The following IGSF21 variants were observed in gnomAD, a reference collection of about 807,000 sequenced individuals.
IGSF21 encodes immunoglobin superfamily member 21, also known as immunoglobulin superfamily member 21.
IGSF21 carries 28 observed loss-of-function variants against 46.8 expected under a neutral mutation model. The ratio of observed to expected loss-of-function variants is 0.60; its 90% CI spans 0.44 to 0.82. IGSF21 has a LOEUF of 0.82. Among genes scored for constraint, IGSF21 ranks in the 40% least tolerant of loss-of-function variants. The pLI is 0.00. For missense variants in IGSF21, 624 were observed against 665.5 expected, an observed-to-expected ratio of 0.94 and a Z score of 0.69; for synonymous variants, 284 against 273.6, an observed-to-expected ratio of 1.04 and a Z score of -0.38.
chr1:18,236,024 T>C (rs2084669828), intron 2 of IGSF21, among the ~76,000 whole-genome samples: 1 of 152,146 alleles, frequency 6.6e-6, no homozygotes, highest in African/African-American at 2.4e-5. Context: ...GACTCCCTGC[T>C]TTGGGGCTTC....
At chr1:18,313,987 T>A (rs936366778) in intron 3 of IGSF21, among the ~76,000 whole-genome samples, 4 of 152,210 alleles carry the variant, frequency 2.6e-5, no homozygotes, top group African/African-American at 9.6e-5. Flanking sequence ...ATTAGGCCCA[T>A]GTTGTGATAT....
intron 3 of IGSF21, among the ~76,000 whole-genome samples, chr1:18,307,852 C>G (rs1013358663): frequency 6.6e-6 from 1 of 152,196 alleles, no homozygotes; most frequent in Non-Finnish European, 1.5e-5. Context: ...GCCAGCATCT[C>G]GTGCACAGTC....
At chr1:18,248,096 C>G (rs557255360) in intron 2 of IGSF21, among the ~76,000 whole-genome samples, 9 of 152,358 alleles carry the variant, frequency 5.9e-5, no homozygotes, top group Non-Finnish European at 1.2e-4. Flanking sequence ...GATTTTTCCT[C>G]TAGTGCTGGA....
chr1:18,135,876 C>G (rs2086364150), intron 1 of IGSF21, among the ~76,000 whole-genome samples: 1 of 152,184 alleles, frequency 6.6e-6, no homozygotes, highest in South Asian at 2.1e-4. Context: ...ACAGTCCCAC[C>G]AGCAGTGTAA....
chr1:18,299,751 G>A (rs1041520808), intron 3 of IGSF21, among the ~76,000 whole-genome samples: 8 of 152,160 alleles, frequency 5.3e-5, no homozygotes, highest in African/African-American at 1.9e-4. Context: ...GAGAGAGAGT[G>A]GAATTGTTTA....
At chr1:18,250,908 G>A (rs1280645699) in intron 2 of IGSF21, among the ~76,000 whole-genome samples, 1 of 152,174 alleles carries the variant, frequency 6.6e-6, no homozygotes, top group African/African-American at 2.4e-5. Context: ...TAAGTGTGGT[G>A]TAGATAATTT....
In IGSF21 at chr1:18,187,328, G is replaced by A. The variant is rs184806009; in HGVS notation, c.71-40570G>A. 1.2e-4 allele frequency among the ~76,000 whole-genome samples: 19 copies of A among 152,212 alleles called. No homozygotes were observed. In the East Asian group the frequency reaches 2.3e-3, roughly 19 times the overall value. On this transcript the variant is annotated intron_variant, in intron 1 of 9. Coordinates refer to ENST00000251296, the MANE Select transcript of IGSF21 (RefSeq NM_032880.5). ...CCATCATAAGGGCCTGTATTAGTCC[G>A]TTTTCACTCTGCTGATAAAGACATA... is the stretch of plus-strand genomic sequence containing the variant.
At chr1:18,242,102 G>T (rs2084736353) in intron 2 of IGSF21, among the ~76,000 whole-genome samples, 1 of 152,172 alleles carries the variant, frequency 6.6e-6, no homozygotes, top group Non-Finnish European at 1.5e-5. Flanking sequence ...CTGCGGCACA[G>T]ATCCACACAG....
chr1:18,295,569 C>T (rs1420634906), intron 3 of IGSF21, among the ~76,000 whole-genome samples: 2 of 152,142 alleles, frequency 1.3e-5, no homozygotes, highest in African/African-American at 2.4e-5. Context: ...GGTGGTCAGG[C>T]AGGGCCATCG....
chr1:18,337,236 C>A lies in IGSF21; in HGVS notation c.424+2226C>A, dbSNP rs2085778235. On this transcript the variant is annotated intron_variant, in intron 4 of 9. Transcript: ENST00000251296. This position sits in a 1 kb window ranked among gnomAD's most constrained non-coding sequence, Gnocchi z 5.7. ...GACTCACTCAGGTTGCACAACTGGC[C>A]TGATGGTCTCTGCTGAGCAAGGGAG... is the stretch of plus-strand genomic sequence containing the variant. Among the ~76,000 whole-genome samples the A allele has an allele frequency of 6.6e-6, 1 of 152,118 alleles. No homozygotes were observed. The highest frequency in any genetic ancestry group is 2.4e-5 in the African/African-American group (1 of 41,408).
rs943759533 is a variant in IGSF21 at position 18,294,015 on chromosome 1, C to CCT, written c.305+2041_305+2042dup. Among the ~76,000 whole-genome samples, 396 of 151,170 alleles carry CCT rather than the reference C, an allele frequency of 2.6e-3. 1 individual carries two copies. Among genetic ancestry groups the CCT allele is most frequent in the African/African-American group, 9.2e-3 (379 of 41,414 alleles). Reference sequence around the variant, plus strand: ...GTATGACCTGGGATGAGAGCCTTAACCTCTCTCTCTCTCTGCTTCAGGTCC... The same window carrying CCT: ...GTATGACCTGGGATGAGAGCCTTAACCTCTCTCTCTCTCTCTGCTTCAGGTCC... On this transcript the variant is annotated intron_variant, in intron 3 of 9. Coordinates refer to ENST00000251296, the MANE Select transcript of IGSF21 (RefSeq NM_032880.5).
At chr1:18,138,537 T>C (rs1344402826) in intron 1 of IGSF21, among the ~76,000 whole-genome samples, 3 of 152,164 alleles carry the variant, frequency 2.0e-5, no homozygotes, top group Non-Finnish European at 4.4e-5. Context: ...GGATGTGGGC[T>C]GGGAAAAGAA....
intron 3 of IGSF21, among the ~76,000 whole-genome samples, chr1:18,299,826 CA>C (rs939418081): frequency 6.6e-6 from 1 of 152,176 alleles, no homozygotes; most frequent in African/African-American, 2.4e-5. Context: ...CTTTCCACCC[CA>C]AGTGGGAACC....
intron 2 of IGSF21, among the ~76,000 whole-genome samples, chr1:18,265,099 T>C (rs933354872): frequency 1.3e-5 from 2 of 152,236 alleles, no homozygotes; most frequent in African/African-American, 2.4e-5. Flanking sequence ...TTGTAATTCA[T>C]TGGATGAGAA....
At chr1:18,179,388 T>C (rs1179803475) in intron 1 of IGSF21, 1 of 152,200 alleles carries the variant, frequency 6.6e-6, no homozygotes, top group Non-Finnish European at 1.5e-5. Flanking sequence ...GGCCCCATTG[T>C]GACTTTCATG....
intron 4 of IGSF21, among the ~76,000 whole-genome samples, chr1:18,350,796 T>C (rs1017714274): frequency 6.6e-6 from 1 of 152,256 alleles, no homozygotes; most frequent in African/African-American, 2.4e-5. Context: ...AAATCAATCC[T>C]AAAACGCTGA....
chr1:18,119,873 CTTTA>C (rs998870651), intron 1 of IGSF21, among the ~76,000 whole-genome samples: 1 of 152,036 alleles, frequency 6.6e-6, no homozygotes, highest in African/African-American at 2.4e-5. Flanking sequence ...AAAAAAATGG[CTTTA>C]TTTAAGTAAA....
intron 3 of IGSF21, among the ~76,000 whole-genome samples, chr1:18,325,221 CT>C (rs2085646123): frequency 6.6e-6 from 1 of 152,204 alleles, no homozygotes. Context: ...CTGGCAGCCC[CT>C]GGTGTTTGAA....
At chr1:18,376,600 G>A (rs1390797425) in intron 7 of IGSF21, among the ~76,000 whole-genome samples, 200 bp from the exon 8 acceptor site, 7 of 152,198 alleles carry the variant, frequency 4.6e-5, no homozygotes, top group Non-Finnish European at 8.8e-5. Flanking sequence ...ACACCTTCTA[G>A]AACTCAGAGT....
Sources: allele counts gnomAD v4.1 joint callset (sites outside exome capture counted in the v4.1 genomes callset), GRCh38; gene constraint gnomAD v4.1.1; non-coding constraint Gnocchi (gnomAD v3.1); transcripts MANE v1.5; gene names NCBI Gene and HGNC (gene_info 2026-07-23, HGNC 2026-07-21).